The following CNNM2 variants were observed in gnomAD, a reference collection of about 807,000 sequenced individuals.
CNNM2 encodes cyclin and CBS domain divalent metal cation transport mediator 2.
CNNM2 carries 12 observed loss-of-function variants against 66.9 expected under a neutral mutation model. The observed-to-expected ratio is 0.18, with a 90% CI of 0.11 to 0.29. CNNM2 has a LOEUF of 0.29. CNNM2 is among the 10% of genes least tolerant of loss of function. The pLI is 1.00. For synonymous variants in CNNM2, 557 were observed against 501.8 expected (o/e 1.11, Z -1.47); for missense variants, 705 against 1,167.7 (o/e 0.60, Z 5.77).
Position 102,951,135 on chromosome 10 carries a change from C to T in CNNM2, c.1621+31034C>T, listed in dbSNP as rs566952241. On this transcript the variant is annotated intron_variant, in intron 1 of 7. Transcript: ENST00000369878. Reference sequence around the variant, plus strand: ...CCCAAGTAGCTGGGACTACAGGCGCCTGCCACCATAGCTGGCTAATTTTTG... The same window carrying T: ...CCCAAGTAGCTGGGACTACAGGCGCTTGCCACCATAGCTGGCTAATTTTTG... Among the ~76,000 whole-genome samples, 5 of 151,946 alleles carry T rather than the reference C, an allele frequency of 3.3e-5. No homozygotes were observed. In the South Asian group the frequency reaches 1.0e-3, roughly 32 times the overall value.
rs779713103 is a variant in CNNM2 at position 102,919,374 on chromosome 10, G to A, written c.894G>A (p.Glu298=). 1.2e-6 allele frequency: 2 copies of A among 1,612,506 alleles called. No individual in the cohort carries two copies. Among genetic ancestry groups the A allele is most frequent in the Admixed American group, 3.3e-5 (2 of 60,036 alleles). The change falls in exon 1 of 8, where the codon GAG becomes GAA. Residue 298 remains glutamate, a synonymous_variant. Transcript: ENST00000369878. ...RIVQNCGTEK[E]KNYAKRIEPV... is the part of the protein sequence containing the mutation. ...TGCAGAACTGCGGCACGGAGAAGGA[G>A]AAGAATTACGCCAAGCGCATCGAGC...
chr10:103,056,704 T>G, intron 3 of CNNM2, 91 bp from the exon 4 acceptor site: 3 of 1,212,324 alleles, frequency 2.5e-6, no homozygotes, highest in Non-Finnish European at 3.6e-6. Context: ...TGATTCCAAG[T>G]ATTCTTATCT....
chr10:103,043,253 A>G (rs2065072996), intron 1 of CNNM2, among the ~76,000 whole-genome samples: 1 of 152,066 alleles, frequency 6.6e-6, no homozygotes, highest in South Asian at 2.1e-4. Flanking sequence ...TGCTTGCATT[A>G]TTGGGTCTTC....
chr10:102,979,385 G>A (rs1173413070), intron 1 of CNNM2, among the ~76,000 whole-genome samples: 7 of 152,072 alleles, frequency 4.6e-5, no homozygotes, highest in Non-Finnish European at 8.8e-5. Context: ...GTATCTTCAG[G>A]CCTTTGTGCT....
At position 102,919,206 on chromosome 10, in the gene CNNM2, G is replaced by C; in HGVS notation, c.726G>C (p.Lys242Asn). ...TTTACCACGACGGCGAGGACACCAA[G>C]ATGATCGTAGGCGAAGAGAAGAAGT... Reference protein sequence around the residue: ...TWIYHDGEDTKMIVGEEKKFL... With the variant: ...TWIYHDGEDTNMIVGEEKKFL... Residue 242 changes from lysine (K) to asparagine (N), a missense_variant, in exon 1 of 8, where the codon AAG becomes AAC. This residue lies in a region of CNNM2 where 49 missense variants were observed against 183.7 expected (regional missense o/e 0.27). Transcript: ENST00000369878. 6.2e-7 allele frequency: 1 copy of C among 1,612,814 alleles called. No homozygotes were observed. Among genetic ancestry groups the C allele is most frequent in the South Asian group, 1.1e-5 (1 of 91,078 alleles).
chr10:103,055,488 G>T (rs1256553450), intron 3 of CNNM2, among the ~76,000 whole-genome samples: 1 of 152,238 alleles, frequency 6.6e-6, no homozygotes, highest in Non-Finnish European at 1.5e-5. Flanking sequence ...GATTAGAGTT[G>T]TGTTTTTGTG....
In CNNM2 at chr10:102,973,502, C is replaced by CTG. The variant is rs533098295; in HGVS notation, c.1621+53417_1621+53418dup. 5.6e-3 allele frequency among the ~76,000 whole-genome samples: 841 copies of CTG among 149,320 alleles called. 27 individuals are homozygous for CTG. The highest frequency in any genetic ancestry group is 0.041 in the Admixed American group (613 of 14,896). On this transcript the variant is annotated intron_variant, in intron 1 of 7. Transcript: ENST00000369878. ...AAACATGCATGCTTGTGCTAATTTT[C>CTG]TGTGTGTGTGTGTGTGTTTTTTTTT...
At chr10:102,928,438 C>T (rs1445615013) in intron 1 of CNNM2, among the ~76,000 whole-genome samples, 4 of 151,948 alleles carry the variant, frequency 2.6e-5, no homozygotes, top group African/African-American at 7.3e-5. Context: ...AAAAATTAGC[C>T]AGCTGTGGTG....
At chr10:103,019,022 C>T (rs1458523766) in intron 1 of CNNM2, among the ~76,000 whole-genome samples, 3 of 150,792 alleles carry the variant, frequency 2.0e-5, no homozygotes, top group Admixed American at 1.3e-4. Flanking sequence ...AATCCCAGCA[C>T]TTTGGGAGGC....
At chr10:102,929,124 G>A (rs1434930610) in intron 1 of CNNM2, among the ~76,000 whole-genome samples, 1 of 152,164 alleles carries the variant, frequency 6.6e-6, no homozygotes, top group Non-Finnish European at 1.5e-5. Flanking sequence ...GCCGGGCGTG[G>A]TGGCATGTGC....
In CNNM2 at chr10:103,089,105, T is replaced by C. The variant is rs1432660093; in HGVS notation, c.*11925T>C. ...GCAACGCAAGTAGAGCATACTTCTG[T>C]GCAAAGCCAGTGATAGAGAAGCAGC... On this transcript the variant is annotated 3_prime_UTR_variant, in exon 8 of 8. Coordinates refer to ENST00000369878, the MANE Select transcript of CNNM2 (RefSeq NM_017649.5). 1 of 226,972 alleles carries C rather than the reference T, an allele frequency of 4.4e-6. No individual in the cohort carries two copies. Among genetic ancestry groups the C allele is most frequent in the Admixed American group, 5.7e-5 (1 of 17,586 alleles). 14.1% of individuals were successfully genotyped at this position (226,972 alleles called of 1,614,324 possible). A position where few individuals can be genotyped will look rare whatever the true frequency, so the allele number is the denominator to read the frequency against.
At chr10:102,981,920 G>A (rs930170292) in intron 1 of CNNM2, among the ~76,000 whole-genome samples, 1 of 151,662 alleles carries the variant, frequency 6.6e-6, no homozygotes, top group African/African-American at 2.4e-5. Flanking sequence ...TTCTTCATTT[G>A]TTTCATCTTT....
intron 2 of CNNM2, among the ~76,000 whole-genome samples, chr10:103,053,351 C>CA (rs1246949329): frequency 2.0e-5 from 3 of 151,876 alleles, no homozygotes; most frequent in Admixed American, 6.6e-5. Flanking sequence ...TCTGTCTCTA[C>CA]AAAAAAAATT....
At chr10:103,049,042 C>T (rs994906962) in intron 1 of CNNM2, among the ~76,000 whole-genome samples, 5 of 152,164 alleles carry the variant, frequency 3.3e-5, no homozygotes, top group African/African-American at 1.2e-4. Context: ...GACAGGATCT[C>T]ACTGTGTTGC....
At chr10:102,939,201 G>A (rs976717077) in intron 1 of CNNM2, among the ~76,000 whole-genome samples, 2 of 152,190 alleles carry the variant, frequency 1.3e-5, no homozygotes, top group African/African-American at 4.8e-5. Context: ...GTTGAAGGTT[G>A]TAAATATTTC....
chr10:103,089,577 C>G lies in CNNM2; in HGVS notation c.*12397C>G. On this transcript the variant is annotated 3_prime_UTR_variant, in exon 8 of 8. Coordinates refer to ENST00000369878, the MANE Select transcript of CNNM2 (RefSeq NM_017649.5). Reference sequence around the variant, plus strand: ...GACGTACCTTTCATGGAGCCCCCTCCCTCCCCCGAGTAGAACCCTAACAGG... The same window carrying G: ...GACGTACCTTTCATGGAGCCCCCTCGCTCCCCCGAGTAGAACCCTAACAGG... 7.0e-7 allele frequency: 1 copy of G among 1,430,890 alleles called. No individual in the cohort carries two copies. The highest frequency in any genetic ancestry group is 9.2e-7 in the Non-Finnish European group (1 of 1,090,420). The allele number at this position is 1,430,890 out of a possible 1,614,324, so 88.6% of individuals were successfully genotyped here. A position where few individuals can be genotyped will look rare whatever the true frequency, so the allele number is the denominator to read the frequency against.
intron 1 of CNNM2, among the ~76,000 whole-genome samples, chr10:102,943,085 CGTG>C (rs2134180973): frequency 6.6e-6 from 1 of 152,094 alleles, no homozygotes; most frequent in African/African-American, 2.4e-5. Flanking sequence ...AGTAGCCAGG[CGTG>C]GTGGCACACT....
At position 102,994,758 on chromosome 10, in the gene CNNM2, A is replaced by G. The variant is rs17115327; in HGVS notation, c.1622-54949A>G. ...TGACACTAGTTACTAGACACTGTAC[A>G]CTCAACTAATGATGCTGCAGAACAA... On this transcript the variant is annotated intron_variant, in intron 1 of 7. Coordinates refer to ENST00000369878, the MANE Select transcript of CNNM2 (RefSeq NM_017649.5). Among the ~76,000 whole-genome samples, 622 of 152,368 alleles carry G rather than the reference A, an allele frequency of 4.1e-3. 19 individuals carry two copies. The East Asian group carries it at 0.072, about 18-fold the overall frequency.
rs1305921658 is a variant in CNNM2, at chr10:103,079,423, GTC to G, written c.*2248_*2249del. 2.6e-5 allele frequency: 4 copies of G among 152,262 alleles called. No individual in the cohort carries two copies. The highest frequency in any genetic ancestry group is 9.7e-5 in the African/African-American group (4 of 41,438). 9.4% of individuals were successfully genotyped at this position (152,262 alleles called of 1,614,324 possible). Reference sequence around the variant, plus strand: ...GCTCACGTCTGCTTCTCCACACACAGTCTCTCGGGGATGCCTTGCTACTGGGA... The same window carrying G: ...GCTCACGTCTGCTTCTCCACACACAGTCTCGGGGATGCCTTGCTACTGGGA... On this transcript the variant is annotated 3_prime_UTR_variant, in exon 8 of 8. Coordinates refer to ENST00000369878, the MANE Select transcript of CNNM2 (RefSeq NM_017649.5).
Sources: allele counts gnomAD v4.1 joint callset (sites outside exome capture counted in the v4.1 genomes callset), GRCh38; gene constraint gnomAD v4.1.1; regional missense constraint gnomAD v4.1.1; transcripts MANE v1.5; gene names NCBI Gene and HGNC (gene_info 2026-07-23, HGNC 2026-07-21).